The following PCDHGA3 variants were observed in gnomAD, a reference collection of about 807,000 sequenced individuals.
The protein encoded by PCDHGA3 is protocadherin gamma subfamily A, 3, also known as protocadherin gamma-A3.
PCDHGA3 carries 40 observed loss-of-function variants against 58.5 expected under a neutral mutation model. That is an observed-to-expected ratio of 0.68 (90% CI 0.53 to 0.89). PCDHGA3 has a LOEUF of 0.89. Among genes scored for constraint, PCDHGA3 ranks in the 40% least tolerant of loss-of-function variants. The probability of loss-of-function intolerance (pLI) is 0.00; values close to 1 mark genes in which losing one functional copy is unlikely to be tolerated. For synonymous variants in PCDHGA3, 530 were observed against 525.7 expected (o/e 1.01, Z -0.11); for missense variants, 1,223 against 1,195.9 (o/e 1.02, Z -0.33).
At chr5:141,360,660 C>G in intron 1 of PCDHGA3, 1 of 1,613,968 alleles carries the variant, frequency 6.2e-7, no homozygotes, top group Non-Finnish European at 8.5e-7. Context: ...TTAATGACAA[C>G]GAGTACTTTG....
In PCDHGA3 at chr5:141,476,742, G is replaced by C. The variant is rs1015622831; in HGVS notation, c.2425-18065G>C. 8.7e-6 allele frequency: 14 copies of C among 1,613,936 alleles called. No homozygotes were observed. Among genetic ancestry groups the C allele is most frequent in the Non-Finnish European group, 1.1e-5 (13 of 1,180,032 alleles). On this transcript the variant is annotated intron_variant, in intron 1 of 3. Transcript: ENST00000253812. The surrounding 1 kb of genome is among the most constrained non-coding windows in gnomAD (Gnocchi z 7.6). ...GCCCTGGACCGAGAACGGGAGCCTA[G>C]TCTCCAGTTAGTGCTGACGGCGTTG...
At chr5:141,424,715 G>A (rs1299933373) in intron 1 of PCDHGA3, 1 of 152,132 alleles carries the variant, frequency 6.6e-6, no homozygotes, top group Admixed American at 6.6e-5. Flanking sequence ...TTTCAGTGTA[G>A]TTGGGAGTCA....
intron 1 of PCDHGA3, among the ~76,000 whole-genome samples, chr5:141,347,143 CT>C (rs1561493446): frequency 9.6e-6 from 1 of 103,960 alleles, no homozygotes; most frequent in Non-Finnish European, 2.3e-5. Flanking sequence ...TTCTCTCTTT[CT>C]TTCTTTCTTT....
chr5:141,375,929 C>T, intron 1 of PCDHGA3: 1 of 1,613,738 alleles, frequency 6.2e-7, no homozygotes, highest in South Asian at 1.1e-5. Context: ...CGAGCCAGGA[C>T]TTTTCTCAGT....
chr5:141,362,144 A>G lies in PCDHGA3; in HGVS notation c.2424+15687A>G, dbSNP rs1310397180. 5 of 1,614,008 alleles carry G rather than the reference A, an allele frequency of 3.1e-6. 1 individual carries two copies. In the South Asian group the frequency reaches 5.5e-5, roughly 18 times the overall value. ...CTAATCTTCGCGGATAGCCTGCAAGAGGTATTGCCAGACCTCAGCGACCGC... is the reference window on the plus strand; with the variant it reads ...CTAATCTTCGCGGATAGCCTGCAAGGGGTATTGCCAGACCTCAGCGACCGC... On this transcript the variant is annotated intron_variant, in intron 1 of 3. Coordinates refer to ENST00000253812, the MANE Select transcript of PCDHGA3 (RefSeq NM_018916.4).
intron 1 of PCDHGA3, among the ~76,000 whole-genome samples, chr5:141,429,503 C>T (rs890656634): frequency 1.3e-5 from 2 of 151,922 alleles, no homozygotes; most frequent in Admixed American, 6.6e-5. Context: ...TTGCCTGAAA[C>T]TGTGCCTGGC....
At chr5:141,414,890 C>T in intron 1 of PCDHGA3, 5 of 1,614,232 alleles carry the variant, frequency 3.1e-6, no homozygotes, top group Non-Finnish European at 4.2e-6. Context: ...CCCGCCCTCC[C>T]CACAGACGGT....
chr5:141,350,343 C>T (rs1758450981), intron 1 of PCDHGA3: 1 of 1,551,070 alleles, frequency 6.4e-7, no homozygotes, highest in South Asian at 1.3e-5. Context: ...GGGGCCATCT[C>T]CCAGCAGATC....
At chr5:141,492,506 C>T (rs2154587372) in intron 1 of PCDHGA3, among the ~76,000 whole-genome samples, 2 of 152,318 alleles carry the variant, frequency 1.3e-5, no homozygotes, top group South Asian at 4.1e-4. Context: ...ACTCCGGAGC[C>T]TCCTCTCACC....
At chr5:141,418,455 C>G (rs1287627325) in intron 1 of PCDHGA3, 3 of 1,613,990 alleles carry the variant, frequency 1.9e-6, no homozygotes, top group Non-Finnish European at 2.5e-6. Flanking sequence ...TTGCAGAAGA[C>G]TCTGGACCGA....
At chr5:141,360,777 T>G (rs555307283) in intron 1 of PCDHGA3, 1 of 1,613,966 alleles carries the variant, frequency 6.2e-7, no homozygotes, top group South Asian at 1.1e-5. Context: ...TCCTCACAGC[T>G]GTGGATGGCG....
At position 141,486,047 on chromosome 5, in the gene PCDHGA3, C is replaced by G. The variant is rs763394605; in HGVS notation, c.2425-8760C>G. The G allele has an allele frequency of 3.1e-6, 5 of 1,614,172 alleles. No homozygotes were observed. The East Asian group carries it at 6.7e-5, about 22-fold the overall frequency. On this transcript the variant is annotated intron_variant, in intron 1 of 3. Transcript: ENST00000253812. This position sits in a 1 kb window ranked among gnomAD's most constrained non-coding sequence, Gnocchi z 5.0. ...TCATACCCCTGATCGTGTAAGAAAC[C>G]TCTTTAGCCTGCACCCCACTACTGG...
chr5:141,423,656 A>G (rs988976310), intron 1 of PCDHGA3: 2 of 1,571,854 alleles, frequency 1.3e-6, no homozygotes, highest in African/African-American at 1.4e-5. Context: ...CCGACAAGTA[A>G]TCAGGTGAGA....
In PCDHGA3 at chr5:141,491,607, T is replaced by G; in HGVS notation, c.2425-3200T>G. On this transcript the variant is annotated intron_variant, in intron 1 of 3. Coordinates refer to ENST00000253812, the MANE Select transcript of PCDHGA3 (RefSeq NM_018916.4). The surrounding 1 kb of genome is among the most constrained non-coding windows in gnomAD (Gnocchi z 6.9). ...CCTCGGACGGCAGTGACTTCACTTT[T>G]CTAAGACCCCTCAGCGTTCAGCAGC... 6.2e-7 allele frequency: 1 copy of G among 1,613,932 alleles called. No homozygotes were observed. The highest frequency in any genetic ancestry group is 1.1e-5 in the South Asian group (1 of 91,084).
chr5:141,413,446 G>T, intron 1 of PCDHGA3: 4 of 1,614,130 alleles, frequency 2.5e-6, no homozygotes, highest in Non-Finnish European at 3.4e-6. Context: ...CTTGATCACC[G>T]CGGGCAGGAT....
chr5:141,361,472 A>T (rs1480148367), intron 1 of PCDHGA3: 1 of 1,613,906 alleles, frequency 6.2e-7, no homozygotes, highest in Admixed American at 1.7e-5. Context: ...TCCGACGTCA[A>T]CGATAATGCC....
At chr5:141,454,977 T>C (rs1357011192) in intron 1 of PCDHGA3, among the ~76,000 whole-genome samples, 6 of 151,508 alleles carry the variant, frequency 4.0e-5, no homozygotes, top group Non-Finnish European at 8.8e-5. Context: ...CTGGCTAATT[T>C]TTTAAAAAAT....
At chr5:141,377,569 C>A (rs1774120455) in intron 1 of PCDHGA3, 1 of 151,048 alleles carries the variant, frequency 6.6e-6, no homozygotes, top group African/African-American at 2.4e-5. Context: ...GCACCCTAGC[C>A]TGGGAGACAG....
Position 141,485,119 on chromosome 5 carries a change from C to A in PCDHGA3, c.2425-9688C>A. 3.0e-6 allele frequency: 4 copies of A among 1,328,812 alleles called. No homozygotes were observed. Among genetic ancestry groups the A allele is most frequent in the Non-Finnish European group, 4.3e-6 (4 of 935,940 alleles). The allele number at this position is 1,328,812 out of a possible 1,614,324, so 82.3% of individuals were successfully genotyped here. ...CTCCAGCTGCTGTGGCTGTTTGGGG[C>A]GGGTCGGCTTCATCCGCGTCTCAGG... On this transcript the variant is annotated intron_variant, in intron 1 of 3. Transcript: ENST00000253812. This position sits in a 1 kb window ranked among gnomAD's most constrained non-coding sequence, Gnocchi z 5.7.
Sources: gnomAD v4.1 joint callset for allele counts (sites outside exome capture counted in the v4.1 genomes callset) on GRCh38, gnomAD v4.1.1 for gene constraint, Gnocchi (gnomAD v3.1) non-coding constraint, MANE v1.5 for transcripts, NCBI Gene and HGNC (gene_info 2026-07-23, HGNC 2026-07-21) for gene names.